RBP3: variants seen among roughly 807,000 people sequenced by gnomAD.
The protein encoded by RBP3 is retinol binding protein 3, also known as retinol-binding protein 3.
RBP3 carries 50 observed loss-of-function variants against 64.8 expected under a neutral mutation model. The observed-to-expected ratio is 0.77, with a 90% CI of 0.61 to 0.98. The LOEUF (loss-of-function observed/expected upper bound fraction) is 0.98, where lower values mean the gene tolerates loss of function less well. Among genes scored for constraint, RBP3 ranks in the 50% least tolerant of loss-of-function variants. The pLI, the probability that RBP3 is intolerant of heterozygous loss-of-function variation, is 0.00. For missense variants in RBP3, 1,712 were observed against 1,660.5 expected (o/e 1.03, Z -0.54); for synonymous variants, 828 against 730.2 (o/e 1.13, Z -2.16).
At chr10:47,352,691 G>A (rs1010284862) in intron 1 of RBP3, among the ~76,000 whole-genome samples, 1 of 152,240 alleles carries the variant, frequency 6.6e-6, no homozygotes, top group Non-Finnish European at 1.5e-5. Flanking sequence ...GCATCCACGT[G>A]CGAGTAGCCT....
intron 1 of RBP3, among the ~76,000 whole-genome samples, chr10:47,352,306 G>T (rs1211299406): frequency 2.0e-5 from 3 of 152,228 alleles, no homozygotes; most frequent in Admixed American, 6.5e-5. Context: ...GGGCCCAGTG[G>T]TTCCTGTCCC....
rs1252102322 is a variant in RBP3 at position 47,350,140 on chromosome 10, C to T, written c.1656C>T (p.Phe552=). ...SHRTATAAEE[F]AFLMQSLGWA... is the part of the protein sequence containing the mutation. ...GCACCGCCACGGCCGCGGAGGAGTT[C>T]GCCTTCCTTATGCAGTCGCTGGGCT... The change falls in exon 1 of 4, where the codon TTC becomes TTT. Residue 552 remains phenylalanine (F), a synonymous_variant. Coordinates refer to ENST00000584701, the MANE Select transcript of RBP3 (RefSeq NM_002900.3). 3.1e-6 allele frequency: 5 copies of T among 1,612,814 alleles called. No individual in the cohort carries two copies. Among genetic ancestry groups the T allele is most frequent in the South Asian group, 2.2e-5 (2 of 91,092 alleles).
rs782141271 is a variant in RBP3 at position 47,348,508 on chromosome 10, C to A, written c.24C>A (p.Leu8=). The A allele has an allele frequency of 6.2e-7, 1 of 1,606,372 alleles. No individual in the cohort carries two copies. Among genetic ancestry groups the A allele is most frequent in the East Asian group, 2.2e-5 (1 of 44,874 alleles). Residue 8 remains leucine, a synonymous_variant, in exon 1 of 4, where the codon CTC becomes CTA. Transcript: ENST00000584701. MMREWVL[L]MSVLLCGLAG... Reference sequence around the variant, plus strand: ...CCATGATGAGAGAATGGGTTCTGCTCATGTCCGTGCTGCTCTGTGGCCTGG... The same window carrying A: ...CCATGATGAGAGAATGGGTTCTGCTAATGTCCGTGCTGCTCTGTGGCCTGG...
In RBP3 at chr10:47,357,449, C is replaced by T. The variant is rs1285307142; in HGVS notation, c.3736C>T (p.His1246Tyr). 6.2e-7 allele frequency: 1 copy of T among 1,609,962 alleles called. No homozygotes were observed. The highest frequency in any genetic ancestry group is 2.2e-5 in the East Asian group (1 of 44,650). ...GAAGCGGAGCCCAGGCCTGCAGGAC[C>T]ACCTGTAGGGAAGGGCCCCATAGGC... ...RVKRSPGLQD[H>Y]L The change falls in exon 4 of 4, where the codon CAC becomes TAC. Residue 1246 changes from histidine to tyrosine, a missense_variant. His to Tyr is a moderately conservative substitution (Grantham distance 83). Transcript: ENST00000584701.
At chr10:47,351,762 G>A (rs1273928892) in intron 1 of RBP3, among the ~76,000 whole-genome samples, 1 of 152,126 alleles carries the variant, frequency 6.6e-6, no homozygotes, top group Non-Finnish European at 1.5e-5. Flanking sequence ...TATTAGGTTG[G>A]TGCAAAAGTA....
At chr10:47,351,652 A>C in intron 1 of RBP3, 114 bp downstream of exon 1, 16 of 1,352,652 alleles carry the variant, frequency 1.2e-5, no homozygotes, top group Non-Finnish European at 1.5e-5. Context: ...ATTTGTTCTC[A>C]CGTTTAAGTT....
chr10:47,348,655 G>T lies in RBP3; in HGVS notation c.171G>T (p.Lys57Asn). The T allele has an allele frequency of 1.2e-6, 2 of 1,613,586 alleles. No individual in the cohort carries two copies. Residue 57 changes from lysine (K) to asparagine (N), a missense_variant, in exon 1 of 4, where the codon AAG becomes AAT. Transcript: ENST00000584701. ...GMQEAIQQAI[K>N]SHEILSISDP... ...AGGAAGCCATCCAGCAGGCCATCAA[G>T]AGCCATGAGATTCTGAGCATCTCAG...
intron 2 of RBP3, 85 bp from the exon 3 acceptor site, chr10:47,355,291 G>A: frequency 6.3e-7 from 1 of 1,574,826 alleles, no homozygotes; most frequent in Non-Finnish European, 8.7e-7. Context: ...CCCTCCATGG[G>A]ACAAAGATCC....
At chr10:47,353,274 C>T (rs1378808881) in intron 1 of RBP3, 51 bp from the exon 2 acceptor site, 1 of 1,583,648 alleles carries the variant, frequency 6.3e-7, no homozygotes, top group Non-Finnish European at 8.7e-7. Flanking sequence ...TTCCTGGGCT[C>T]TAAAACTGGC....
chr10:47,349,491 T>C lies in RBP3; in HGVS notation c.1007T>C (p.Val336Ala), dbSNP rs782570418. ...GGGGTAGTCCACTGCCTCCAGGAGGTCCTGAAGGACTACTACACGCTGGTG... is the reference window on the plus strand; with the variant it reads ...GGGGTAGTCCACTGCCTCCAGGAGGCCCTGAAGGACTACTACACGCTGGTG... ...LPGVVHCLQE[V>A]LKDYYTLVDR... is the part of the protein sequence containing the mutation. Residue 336 changes from valine (V) to alanine (A), a missense_variant, in exon 1 of 4, where the codon GTC (valine) becomes GCC (alanine). Transcript: ENST00000584701. 1.6e-5 allele frequency: 25 copies of C among 1,612,480 alleles called. No individual in the cohort carries two copies. In the East Asian group the frequency reaches 5.1e-4, roughly 33 times the overall value.
At position 47,351,226 on chromosome 10, in the gene RBP3, C is replaced by T. The variant is rs569610548; in HGVS notation, c.2742C>T (p.Pro914=). The T allele has an allele frequency of 2.7e-5, 43 of 1,613,278 alleles. No homozygotes were observed. The Middle Eastern group carries it at 9.9e-4, about 37-fold the overall frequency. ...CCTGGGACCTGGCTGGTGTGGAGCC[C>T]GACATCACTGTGCCCATGAGCGAAG... ...GKAWDLAGVE[P]DITVPMSEAL... Residue 914 remains proline (P), a synonymous_variant, in exon 1 of 4, where the codon CCC becomes CCT. Transcript: ENST00000584701.
intron 3 of RBP3, 56 bp downstream of exon 3, chr10:47,355,574 A>C: frequency 6.2e-7 from 1 of 1,611,620 alleles, no homozygotes; most frequent in South Asian, 1.1e-5. Flanking sequence ...CTGGGAAACC[A>C]GGGAAAGACA....
In RBP3 at chr10:47,350,590, C is replaced by T; in HGVS notation, c.2106C>T (p.Phe702=). The T allele has an allele frequency of 6.2e-7, 1 of 1,613,012 alleles. No homozygotes were observed. Among genetic ancestry groups the T allele is most frequent in the South Asian group, 1.1e-5 (1 of 91,084 alleles). Residue 702 remains phenylalanine (F), a synonymous_variant, in exon 1 of 4, where the codon TTC becomes TTT. Coordinates refer to ENST00000584701, the MANE Select transcript of RBP3 (RefSeq NM_002900.3). The stretch of plus-strand genomic sequence containing the variant: ...CTGGGGACCACCGCTTGCTAGTGTT[C>T]CACAGCCCTGGCGAGCTGGTGGTAG... The part of the protein sequence containing the change: ...EVSGDHRLLV[F]HSPGELVVEE...
In RBP3 at chr10:47,348,644, C is replaced by T. The variant is rs782574616; in HGVS notation, c.160C>T (p.Gln54Ter). ...GCTGGGCATGCAGGAAGCCATCCAG[C>T]AGGCCATCAAGAGCCATGAGATTCT... ...NLLGMQEAIQ[Q>*]AIKSHEILSI... The change falls in exon 1 of 4, where the codon CAG becomes TAG. Residue 54 changes from glutamine to a stop codon, truncating the protein, a stop_gained. Transcript: ENST00000584701. LOFTEE classifies it high-confidence loss of function. 1.8e-5 allele frequency: 29 copies of T among 1,613,434 alleles called. No homozygotes were observed. The South Asian group carries it at 3.2e-4, about 18-fold the overall frequency.
In RBP3 at chr10:47,349,123, G is replaced by A. The variant is rs781996710; in HGVS notation, c.639G>A (p.Leu213=). ...ACACCACCACGGAGATCTGGACCTT[G>A]CCCCAGGTCCTGGGAGAAAGGTACG... ...PSNTTTEIWT[L]PQVLGERYGA... The change falls in exon 1 of 4, where the codon TTG becomes TTA. Residue 213 remains leucine, a synonymous_variant. Transcript: ENST00000584701. 1.9e-6 allele frequency: 3 copies of A among 1,613,886 alleles called. No homozygotes were observed. The highest frequency in any genetic ancestry group is 2.7e-5 in the African/African-American group (2 of 74,930).
In RBP3 at chr10:47,348,786, A is replaced by C. The variant is rs1555210900; in HGVS notation, c.302A>C (p.Gln101Pro). The C allele has an allele frequency of 1.2e-6, 2 of 1,613,490 alleles. No homozygotes were observed. Among genetic ancestry groups the C allele is most frequent in the South Asian group, 2.2e-5 (2 of 91,062 alleles). The change falls in exon 1 of 4, where the codon CAA becomes CCA. Residue 101 changes from glutamine to proline, a missense_variant. Gln to Pro is a moderately conservative substitution (Grantham distance 76). Coordinates refer to ENST00000584701, the MANE Select transcript of RBP3 (RefSeq NM_002900.3). ...YEPSTPEPPP[Q>P]VPALTSLSEE... ...CCCAGCACCCCCGAGCCTCCCCCAC[A>C]AGTCCCAGCACTCACCAGCCTCTCA...
intron 3 of RBP3, among the ~76,000 whole-genome samples, chr10:47,356,839 C>G (rs1555212012): frequency 6.6e-6 from 1 of 152,150 alleles, no homozygotes; most frequent in Admixed American, 6.5e-5. Context: ...GAGAGTCAAG[C>G]CTTTCCTATC....
In RBP3 at chr10:47,349,293, G is replaced by A; in HGVS notation, c.809G>A (p.Arg270Lys). 6.2e-7 allele frequency: 1 copy of A among 1,612,908 alleles called. No individual in the cohort carries two copies. ...GGGGCCCTGGACCTCCGGAAGCTGA[G>A]GATAGGCGAGTCTGACTTCTTCTTC... is the stretch of plus-strand genomic sequence containing the variant. ...GGGALDLRKLRIGESDFFFTV... is the reference protein window; with the variant it reads ...GGGALDLRKLKIGESDFFFTV... The change falls in exon 1 of 4, where the codon AGG (arginine) becomes AAG (lysine). Residue 270 changes from arginine (R) to lysine (K), a missense_variant. By Grantham distance (26) the Arg-to-Lys change is conservative (BLOSUM62 2). Transcript: ENST00000584701.
At position 47,350,456 on chromosome 10, in the gene RBP3, G is replaced by A; in HGVS notation, c.1972G>A (p.Gly658Arg). The A allele has an allele frequency of 6.2e-7, 1 of 1,612,446 alleles. No individual in the cohort carries two copies. The highest frequency in any genetic ancestry group is 8.5e-7 in the Non-Finnish European group (1 of 1,179,950). Residue 658 changes from glycine (G) to arginine (R), a missense_variant, in exon 1 of 4, where the codon GGG (glycine) becomes AGG (arginine). Physicochemically the swap from Gly to Arg is moderately radical, Grantham distance 125 (BLOSUM62 -2). Coordinates refer to ENST00000584701, the MANE Select transcript of RBP3 (RefSeq NM_002900.3). ...CCACTATGCTCGGCCAGAGGTCGTGGGGCAGACCAGTGCCCTCCTGCGGGC... is the reference window on the plus strand; with the variant it reads ...CCACTATGCTCGGCCAGAGGTCGTGAGGCAGACCAGTGCCCTCCTGCGGGC... ...EAHYARPEVV[G>R]QTSALLRAKL...
Sources: gnomAD v4.1 joint callset for allele counts (sites outside exome capture counted in the v4.1 genomes callset) on GRCh38, gnomAD v4.1.1 for gene constraint, MANE v1.5 for transcripts, NCBI Gene and HGNC (gene_info 2026-07-23, HGNC 2026-07-21) for gene names.